CPNE5: variants seen among roughly 807,000 people sequenced by gnomAD.
CPNE5 encodes the protein copine-5.
Under a neutral mutation model 81.1 loss-of-function variants are expected in CPNE5, and 42 were observed. The ratio of observed to expected loss-of-function variants is 0.52; its 90% CI spans 0.40 to 0.67. The LOEUF is 0.67. Ranked by LOEUF, CPNE5 falls within the 30% of genes least tolerant of loss-of-function variation. The probability of loss-of-function intolerance (pLI) is 0.00; values close to 1 mark genes in which losing one functional copy is unlikely to be tolerated. For missense variants in CPNE5, 612 were observed against 815.5 expected, an observed-to-expected ratio of 0.75 and a Z score of 3.04; for synonymous variants, 313 against 321.5, an observed-to-expected ratio of 0.97 and a Z score of 0.28.
intron 1 of CPNE5, among the ~76,000 whole-genome samples, chr6:36,828,493 C>T (rs981380539): frequency 2.0e-5 from 3 of 152,148 alleles, no homozygotes; most frequent in East Asian, 1.9e-4. Context: ...CTGACCATCA[C>T]GCATCCCTGG....
chr6:36,769,005 G>A (rs1448613181), intron 10 of CPNE5, among the ~76,000 whole-genome samples: 1 of 152,168 alleles, frequency 6.6e-6, no homozygotes, highest in Non-Finnish European at 1.5e-5. Flanking sequence ...GACACATGTT[G>A]CTCTGTTCCT....
intron 11 of CPNE5, 112 bp from the exon 12 acceptor site, chr6:36,763,104 C>T (rs1430005943): frequency 3.3e-6 from 3 of 910,184 alleles, no homozygotes; most frequent in South Asian, 2.7e-5. Context: ...TGGGACTCCA[C>T]TCCAGGGGCA....
At chr6:36,811,906 C>A (rs1368014018) in intron 3 of CPNE5, among the ~76,000 whole-genome samples, 6 of 152,046 alleles carry the variant, frequency 3.9e-5, no homozygotes, top group Non-Finnish European at 1.5e-5. Flanking sequence ...GAATTTGAGA[C>A]CAGCCTGGCC....
chr6:36,785,398 A>C (rs1407354005), intron 8 of CPNE5, among the ~76,000 whole-genome samples: 1 of 152,232 alleles, frequency 6.6e-6, no homozygotes, highest in African/African-American at 2.4e-5. Flanking sequence ...ATCAAAATCA[A>C]TGCAAAAGCT....
chr6:36,820,014 C>T (rs1459499633), intron 3 of CPNE5, among the ~76,000 whole-genome samples: 1 of 152,238 alleles, frequency 6.6e-6, no homozygotes, highest in East Asian at 1.9e-4. Context: ...AAGCACATCC[C>T]ACCTCGCACC....
At chr6:36,786,832 C>A (rs12203412) in intron 8 of CPNE5, among the ~76,000 whole-genome samples, 31,993 of 152,092 alleles carry the variant, frequency 0.21, 4,044 homozygotes, top group East Asian at 0.34. Context: ...TTGGAGGAAG[C>A]ACATCAAAAT....
intron 3 of CPNE5, among the ~76,000 whole-genome samples, chr6:36,816,589 G>T (rs1771563746): frequency 6.6e-6 from 1 of 152,188 alleles, no homozygotes; most frequent in African/African-American, 2.4e-5. Flanking sequence ...TGTTCCTGAA[G>T]GGCAATGAAC....
chr6:36,780,608 T>C (rs1767961005), intron 8 of CPNE5, among the ~76,000 whole-genome samples: 1 of 152,160 alleles, frequency 6.6e-6, no homozygotes, highest in Non-Finnish European at 1.5e-5. Flanking sequence ...TGTGAGCTGT[T>C]ATTATTTGAA....
chr6:36,838,130 C>T (rs141253598), intron 1 of CPNE5, among the ~76,000 whole-genome samples: 2 of 152,202 alleles, frequency 1.3e-5, no homozygotes, highest in African/African-American at 2.4e-5. Flanking sequence ...CCCTCCTTCA[C>T]GCCCCTGCCC....
intron 12 of CPNE5, among the ~76,000 whole-genome samples, chr6:36,758,414 T>TC (rs1466830271): frequency 6.8e-6 from 1 of 146,524 alleles, no homozygotes; most frequent in African/African-American, 2.6e-5. Flanking sequence ...CATGTCTGGC[T>TC]ATTTTTTTTT....
At chr6:36,823,018 C>A (rs775188833) in intron 2 of CPNE5, 40 bp downstream of exon 2, 10 of 1,501,562 alleles carry the variant, frequency 6.7e-6, no homozygotes, top group Middle Eastern at 1.8e-4. Flanking sequence ...CATAGCGTTG[C>A]CGCTATTGTT....
intron 8 of CPNE5, among the ~76,000 whole-genome samples, chr6:36,780,033 C>T (rs1170523447): frequency 1.3e-5 from 2 of 151,310 alleles, no homozygotes; most frequent in Non-Finnish European, 2.9e-5. Flanking sequence ...GGCGCCATCT[C>T]GGCTCACTGC....
At chr6:36,826,832 C>T (rs1156776781) in intron 1 of CPNE5, among the ~76,000 whole-genome samples, 1 of 152,226 alleles carries the variant, frequency 6.6e-6, no homozygotes, top group Non-Finnish European at 1.5e-5. Flanking sequence ...TGCATGGGCT[C>T]TGCAGTCAGA....
At chr6:36,827,112 A>G (rs762287793) in intron 1 of CPNE5, among the ~76,000 whole-genome samples, 2 of 150,648 alleles carry the variant, frequency 1.3e-5, no homozygotes, top group Non-Finnish European at 3.0e-5. Flanking sequence ...CCCCCAACAC[A>G]CTCCCAGGGC....
chr6:36,804,238 CAAAT>C (rs993849751), intron 3 of CPNE5, among the ~76,000 whole-genome samples: 2 of 152,254 alleles, frequency 1.3e-5, no homozygotes, highest in East Asian at 1.9e-4. Context: ...TTATGAAAAT[CAAAT>C]AAAGATGAGG....
chr6:36,759,380 T>C (rs1765803053), intron 12 of CPNE5, among the ~76,000 whole-genome samples: 1 of 150,442 alleles, frequency 6.6e-6, no homozygotes, highest in African/African-American at 2.5e-5. Context: ...GCCCCTCCAC[T>C]AAGTCACCTC....
At chr6:36,753,627 T>A (rs1280680242) in intron 13 of CPNE5, among the ~76,000 whole-genome samples, 4 of 152,226 alleles carry the variant, frequency 2.6e-5, no homozygotes, top group Admixed American at 6.5e-5. Flanking sequence ...ACTGGTCCCA[T>A]CTCATCCCTC....
intron 9 of CPNE5, among the ~76,000 whole-genome samples, chr6:36,776,822 C>T (rs1253478249): frequency 6.6e-6 from 1 of 152,102 alleles, no homozygotes; most frequent in African/African-American, 2.4e-5. Flanking sequence ...TGACAGTTCC[C>T]TCTCCTGGCT....
chr6:36,749,793 C>A (rs1363119842), intron 14 of CPNE5, among the ~76,000 whole-genome samples: 1 of 152,100 alleles, frequency 6.6e-6, no homozygotes, highest in Non-Finnish European at 1.5e-5. Flanking sequence ...GTTGATTATA[C>A]CTTTTCTCCA....
Sources: gnomAD v4.1 joint callset for allele counts (sites outside exome capture counted in the v4.1 genomes callset) on GRCh38, gnomAD v4.1.1 for gene constraint, MANE v1.5 for transcripts, NCBI Gene and HGNC (gene_info 2026-07-23, HGNC 2026-07-21) for gene names.